UNC5D: variants seen among roughly 807,000 people sequenced by gnomAD.
The protein encoded by UNC5D is unc-5 netrin receptor D.
A neutral mutation model predicts 105.4 loss-of-function variants in UNC5D; 39 were observed. The ratio of observed to expected loss-of-function variants is 0.37; its 90% confidence interval spans 0.29 to 0.48. The LOEUF (loss-of-function observed/expected upper bound fraction) is 0.48. Among genes scored for constraint, UNC5D ranks in the 20% least tolerant of loss-of-function variants. The probability of loss-of-function intolerance (pLI) is 0.98; values close to 1 mark genes in which losing one functional copy is unlikely to be tolerated. For missense variants in UNC5D, 991 were observed against 1,202.4 expected (o/e 0.82, Z 2.60); for synonymous variants, 452 against 450.4 (o/e 1.00, Z -0.04).
chr8:35,392,850 A>G (rs553055927), intron 1 of UNC5D, among the ~76,000 whole-genome samples: 26 of 152,200 alleles, frequency 1.7e-4, no homozygotes, highest in Middle Eastern at 3.4e-3. Context: ...TGGCTATCTC[A>G]TGGTATAGAT....
chr8:35,670,262 G>A (rs1824693046), intron 4 of UNC5D, among the ~76,000 whole-genome samples: 1 of 152,122 alleles, frequency 6.6e-6, no homozygotes, highest in African/African-American at 2.4e-5. Flanking sequence ...CCACTTCGGT[G>A]ATTTGATAGA....
At chr8:35,537,289 A>C (rs1296782506) in intron 1 of UNC5D, among the ~76,000 whole-genome samples, 3 of 152,206 alleles carry the variant, frequency 2.0e-5, no homozygotes, top group Admixed American at 6.5e-5. Flanking sequence ...ATAACTAACA[A>C]ATATCTCAGA....
intron 1 of UNC5D, among the ~76,000 whole-genome samples, chr8:35,240,074 T>C (rs542141322): frequency 4.6e-5 from 7 of 152,266 alleles, no homozygotes; most frequent in Non-Finnish European, 8.8e-5. Flanking sequence ...TAGCTGGGAC[T>C]GTAGGCATGC....
intron 1 of UNC5D, among the ~76,000 whole-genome samples, chr8:35,312,749 T>C (rs1808990636): frequency 6.6e-6 from 1 of 152,214 alleles, no homozygotes; most frequent in East Asian, 1.9e-4. Context: ...AAAGGAAGTG[T>C]TGAATTTATG....
intron 1 of UNC5D, among the ~76,000 whole-genome samples, chr8:35,252,408 T>G (rs905656358): frequency 6.6e-6 from 1 of 152,138 alleles, no homozygotes; most frequent in Non-Finnish European, 1.5e-5. Flanking sequence ...ACTCTTAAAT[T>G]TTGTGCTTAT....
chr8:35,740,264 G>C (rs188187287), intron 11 of UNC5D, among the ~76,000 whole-genome samples: 321 of 152,316 alleles, frequency 2.1e-3, no homozygotes, highest in African/African-American at 7.4e-3. Context: ...AGGAGAAGGA[G>C]AGATTATCCT....
rs181738801 is a variant in UNC5D at position 35,557,870 on chromosome 8, G to A, written c.322+8360G>A. ...TCCAGGGCTGGGCACAGTGGCTCAC[G>A]CATGTAATCCCAGCACTTTGGGAGG... On this transcript the variant is annotated intron_variant, in intron 2 of 16. Transcript: ENST00000404895. 2.8e-4 allele frequency among the ~76,000 whole-genome samples: 42 copies of A among 152,148 alleles called. No homozygotes were observed. The East Asian group carries it at 6.4e-3, about 23-fold the overall frequency.
Position 35,790,530 on chromosome 8 carries a change from C to A in UNC5D, c.2829C>A (p.Ala943=). ...SNISESQLDE[A]DFNYSRQNGL ...TTTCAGAATCCCAGCTTGATGAAGCCGACTTCAACTACAGCAGGCAAAATG... is the reference window on the plus strand; with the variant it reads ...TTTCAGAATCCCAGCTTGATGAAGCAGACTTCAACTACAGCAGGCAAAATG... The change falls in exon 17 of 17, where the codon GCC becomes GCA. Residue 943 remains alanine (A), a synonymous_variant. Transcript: ENST00000404895. 1 of 1,613,756 alleles carries A rather than the reference C, an allele frequency of 6.2e-7. No individual in the cohort carries two copies. The highest frequency in any genetic ancestry group is 8.5e-7 in the Non-Finnish European group (1 of 1,179,820).
At chr8:35,642,784 C>G (rs753821419) in intron 4 of UNC5D, among the ~76,000 whole-genome samples, 1 of 152,094 alleles carries the variant, frequency 6.6e-6, no homozygotes, top group Non-Finnish European at 1.5e-5. Context: ...TTTGATGAGA[C>G]TTTAAGCTCC....
chr8:35,730,011 TATC>T (rs1829100449), intron 10 of UNC5D, among the ~76,000 whole-genome samples: 1 of 152,208 alleles, frequency 6.6e-6, no homozygotes, highest in African/African-American at 2.4e-5. Flanking sequence ...AGATTTAAAT[TATC>T]ATCAGCAACC....
At chr8:35,624,405 G>A (rs1378914190) in intron 4 of UNC5D, among the ~76,000 whole-genome samples, 2 of 152,152 alleles carry the variant, frequency 1.3e-5, no homozygotes, top group Non-Finnish European at 2.9e-5. Context: ...AAAAATTGAT[G>A]TTGTTTATCC....
intron 1 of UNC5D, among the ~76,000 whole-genome samples, chr8:35,357,728 T>A (rs998522367): frequency 1.3e-5 from 2 of 152,134 alleles, no homozygotes; most frequent in African/African-American, 4.8e-5. Flanking sequence ...GCCCCCACCA[T>A]GAAGAATCAG....
chr8:35,312,436 C>T (rs892250208), intron 1 of UNC5D, among the ~76,000 whole-genome samples: 2 of 152,120 alleles, frequency 1.3e-5, no homozygotes, highest in African/African-American at 2.4e-5. Context: ...AAGTTTAATG[C>T]TCTGTGTATC....
At chr8:35,696,695 A>G (rs1826805449) in intron 7 of UNC5D, among the ~76,000 whole-genome samples, 1 of 152,244 alleles carries the variant, frequency 6.6e-6, no homozygotes, top group African/African-American at 2.4e-5. Context: ...TAAATTACAA[A>G]CTAAGTACAC....
chr8:35,324,270 T>C (rs1458375708), intron 1 of UNC5D, among the ~76,000 whole-genome samples: 2 of 144,692 alleles, frequency 1.4e-5, no homozygotes, highest in Non-Finnish European at 3.0e-5. Context: ...GAGTCATTGA[T>C]GAGTCATCCT....
intron 1 of UNC5D, among the ~76,000 whole-genome samples, chr8:35,421,383 G>C (rs1805888499): frequency 6.6e-6 from 1 of 152,012 alleles, no homozygotes; most frequent in African/African-American, 2.4e-5. Context: ...AGGGAGAAGA[G>C]AATTATTAGT....
chr8:35,591,360 T>C (rs936893847), intron 3 of UNC5D, among the ~76,000 whole-genome samples: 2 of 152,178 alleles, frequency 1.3e-5, no homozygotes, highest in Non-Finnish European at 2.9e-5. Flanking sequence ...TTTTTGCTTG[T>C]TTTCTGCAAA....
At chr8:35,614,645 A>C (rs1304279940) in intron 4 of UNC5D, among the ~76,000 whole-genome samples, 1 of 152,148 alleles carries the variant, frequency 6.6e-6, no homozygotes, top group Non-Finnish European at 1.5e-5. Flanking sequence ...TTTCCATAAA[A>C]AAATTTGCTA....
chr8:35,468,100 T>A (rs1161675757), intron 1 of UNC5D, among the ~76,000 whole-genome samples: 1 of 152,166 alleles, frequency 6.6e-6, no homozygotes, highest in Non-Finnish European at 1.5e-5. Flanking sequence ...TAGATAAATT[T>A]CTCAATGTCA....
Sources: gnomAD v4.1 joint callset for allele counts (sites outside exome capture counted in the v4.1 genomes callset) on GRCh38, gnomAD v4.1.1 for gene constraint, MANE v1.5 for transcripts, NCBI Gene and HGNC (gene_info 2026-07-23, HGNC 2026-07-21) for gene names.